The following CDYL2 variants were observed in gnomAD, a reference collection of about 807,000 sequenced individuals.
CDYL2 encodes the protein chromodomain Y like 2.
A neutral mutation model predicts 49.4 loss-of-function variants in CDYL2; 23 were observed. The observed-to-expected ratio is 0.47, with a 90% CI of 0.34 to 0.66. CDYL2 has a LOEUF of 0.66. Among genes scored for constraint, CDYL2 ranks in the 30% least tolerant of loss-of-function variants. The probability of loss-of-function intolerance (pLI) is 0.01; values close to 1 mark genes in which losing one functional copy is unlikely to be tolerated. For synonymous variants in CDYL2, 360 were observed against 268.8 expected, an observed-to-expected ratio of 1.34 and a Z score of -3.32; for missense variants, 678 against 656.4, an observed-to-expected ratio of 1.03 and a Z score of -0.36.
chr16:80,620,869 T>C lies in CDYL2; in HGVS notation c.901A>G (p.Ser301Gly). The C allele has an allele frequency of 6.2e-7, 1 of 1,612,436 alleles. No individual in the cohort carries two copies. The highest frequency in any genetic ancestry group is 8.5e-7 in the Non-Finnish European group (1 of 1,178,648). ...CTGCAGAACACGCTCCCCACTGCGCTGAGGAGCAGCAGTTTGCTGTCGTCT... is the reference window on the plus strand; with the variant it reads ...CTGCAGAACACGCTCCCCACTGCGCCGAGGAGCAGCAGTTTGCTGTCGTCT... Reference protein sequence around the residue: ...ATDDSKLLLLSAVGSVFCSGL... With the variant: ...ATDDSKLLLLGAVGSVFCSGL... The change falls in exon 4 of 7, where the codon AGC (serine) becomes GGC (glycine). Residue 301 changes from serine to glycine, a missense_variant. Physicochemically the swap from Ser to Gly is moderately conservative, Grantham distance 56. Transcript: ENST00000570137.
chr16:80,682,196 C>CA lies in CDYL2; in HGVS notation c.616+2341dup, dbSNP rs370079125. 4.4e-3 allele frequency among the ~76,000 whole-genome samples: 676 copies of CA among 152,214 alleles called. 3 individuals are homozygous for CA. Among genetic ancestry groups the CA allele is most frequent in the African/African-American group, 0.015 (633 of 41,526 alleles). ...ACCAGTGCTATGGGATGTGATTAAG[C>CA]AAAAGGGCCCTTTTGAAACAGACAA... On this transcript the variant is annotated intron_variant, in intron 2 of 6. Transcript: ENST00000570137.
chr16:80,639,258 T>C (rs1907974865), intron 2 of CDYL2, among the ~76,000 whole-genome samples: 1 of 152,214 alleles, frequency 6.6e-6, no homozygotes, highest in African/African-American at 2.4e-5. Context: ...GGTGGGCATA[T>C]AAGATGGCAC....
intron 1 of CDYL2, among the ~76,000 whole-genome samples, chr16:80,735,561 C>T (rs1597106801): frequency 1.3e-5 from 2 of 152,156 alleles, no homozygotes; most frequent in South Asian, 4.1e-4. Flanking sequence ...TATAAGGCTC[C>T]AGTGATCTGG....
rs201298919 is a variant in CDYL2, at chr16:80,612,734, G to A, written c.1110C>T (p.Ile370=). 2.7e-5 allele frequency: 44 copies of A among 1,613,700 alleles called. No homozygotes were observed. The highest frequency in any genetic ancestry group is 2.2e-4 in the Admixed American group (13 of 60,022). Residue 370 remains isoleucine (I), a synonymous_variant, in exon 5 of 7, where the codon ATC becomes ATT. Coordinates refer to ENST00000570137, the MANE Select transcript of CDYL2 (RefSeq NM_152342.4). The surrounding 1 kb of genome is among the most constrained non-coding windows in gnomAD (Gnocchi z 5.0). ...LGASILPLCD[I]VWASEKAWFQ... is the part of the protein sequence containing the mutation. ...ACCAGGCCTTCTCACTGGCCCACAC[G>A]ATGTCACAGAGGGGCAGGATGGAGG...
rs115889368 is a variant in CDYL2, at chr16:80,656,671, G to A, written c.617-23435C>T. 9.7e-3 allele frequency among the ~76,000 whole-genome samples: 1,479 copies of A among 152,218 alleles called. 26 individuals carry two copies. The highest frequency in any genetic ancestry group is 0.034 in the African/African-American group (1,403 of 41,526). The stretch of plus-strand genomic sequence containing the variant: ...CTCCATAAACTCACGTGCTGACACC[G>A]TGCCCCTGTTCCAAACATACAGAAG... On this transcript the variant is annotated intron_variant, in intron 2 of 6. Coordinates refer to ENST00000570137, the MANE Select transcript of CDYL2 (RefSeq NM_152342.4).
chr16:80,692,051 G>T lies in CDYL2; in HGVS notation c.25-6922C>A, dbSNP rs80007191. On this transcript the variant is annotated intron_variant, in intron 1 of 6. Transcript: ENST00000570137. ...GAAAGCACTAAGGAAAATGAGAATA[G>T]ATACCTAGAAGAGTTAATAGAGATC... Among the ~76,000 whole-genome samples the T allele has an allele frequency of 8.9e-3, 1,348 of 152,082 alleles. 24 individuals are homozygous for T. The highest frequency in any genetic ancestry group is 0.031 in the African/African-American group (1,265 of 41,446).
rs182805354 is a variant in CDYL2 at position 80,763,159 on chromosome 16, G to A, written c.24+40991C>T. ...CTCCAGCAGGAACCTAACTAATCCT[G>A]TATTCCCACCAGAAGCAACGATTCA... is the stretch of plus-strand genomic sequence containing the variant. On this transcript the variant is annotated intron_variant, in intron 1 of 6. Transcript: ENST00000570137. Among the ~76,000 whole-genome samples, 983 of 131,926 alleles carry A rather than the reference G, an allele frequency of 7.5e-3. 18 individuals carry two copies. The highest frequency in any genetic ancestry group is 0.025 in the African/African-American group (912 of 35,888). The allele number at this position is 131,926 out of a possible 152,430, so 86.5% of individuals were successfully genotyped here.
intron 3 of CDYL2, among the ~76,000 whole-genome samples, chr16:80,621,578 T>C (rs1335736045): frequency 1.3e-5 from 2 of 152,198 alleles, no homozygotes; most frequent in Non-Finnish European, 2.9e-5. Flanking sequence ...GTGGACCCAC[T>C]CTCAAGGCCT....
At chr16:80,735,939 C>T (rs1261779952) in intron 1 of CDYL2, among the ~76,000 whole-genome samples, 2 of 152,232 alleles carry the variant, frequency 1.3e-5, no homozygotes, top group Non-Finnish European at 2.9e-5. Flanking sequence ...ATCACAGAGA[C>T]TCGGGTCTGC....
chr16:80,716,447 T>G (rs1480620158), intron 1 of CDYL2, among the ~76,000 whole-genome samples: 1 of 151,796 alleles, frequency 6.6e-6, no homozygotes, highest in Non-Finnish European at 1.5e-5. Flanking sequence ...GATGGATGGA[T>G]GCATGGATGG....
chr16:80,633,329 G>C, intron 2 of CDYL2, 93 bp from the exon 3 acceptor site: 1 of 1,300,564 alleles, frequency 7.7e-7, no homozygotes, highest in South Asian at 1.3e-5. Flanking sequence ...CAATGGAAAG[G>C]TTTGGATGTG....
intron 1 of CDYL2, among the ~76,000 whole-genome samples, chr16:80,781,844 G>C (rs768459058): frequency 6.6e-6 from 1 of 152,004 alleles, no homozygotes; most frequent in Admixed American, 6.5e-5. Flanking sequence ...GAAATATCTT[G>C]AGACAAAAGA....
At chr16:80,648,529 G>C (rs1364091962) in intron 2 of CDYL2, among the ~76,000 whole-genome samples, 1 of 151,966 alleles carries the variant, frequency 6.6e-6, no homozygotes, top group Non-Finnish European at 1.5e-5. Flanking sequence ...GTAAAGAAAA[G>C]TCTGGGACCC....
chr16:80,611,994 A>G (rs1255214554), intron 5 of CDYL2, among the ~76,000 whole-genome samples: 1 of 152,218 alleles, frequency 6.6e-6, no homozygotes, highest in Non-Finnish European at 1.5e-5. Flanking sequence ...TCGTTTCCAC[A>G]TGGGGTGGAG....
chr16:80,601,400 C>G lies in CDYL2; in HGVS notation c.*2988G>C, dbSNP rs981074638. 2 of 152,164 alleles carry G rather than the reference C, an allele frequency of 1.3e-5. No individual in the cohort carries two copies. The highest frequency in any genetic ancestry group is 1.5e-5 in the Non-Finnish European group (1 of 68,046). 9.4% of individuals were successfully genotyped at this position (152,164 alleles called of 1,614,324 possible). A position where few individuals can be genotyped will look rare whatever the true frequency, so the allele number is the denominator to read the frequency against. On this transcript the variant is annotated 3_prime_UTR_variant, in exon 7 of 7. Transcript: ENST00000570137. ...ATTCTTTCAAACCCAAAGGTAATTGCAGGACGGGGCTGCCAAAATGAGCCG... is the reference window on the plus strand; with the variant it reads ...ATTCTTTCAAACCCAAAGGTAATTGGAGGACGGGGCTGCCAAAATGAGCCG...
At chr16:80,748,985 A>G (rs903090894) in intron 1 of CDYL2, among the ~76,000 whole-genome samples, 13 of 152,344 alleles carry the variant, frequency 8.5e-5, no homozygotes, top group African/African-American at 3.1e-4. Flanking sequence ...CATTGAGGAT[A>G]GAAAAATACA....
chr16:80,748,443 C>T (rs1231967345), intron 1 of CDYL2, among the ~76,000 whole-genome samples: 2 of 126,852 alleles, frequency 1.6e-5, no homozygotes, highest in Non-Finnish European at 3.2e-5. Context: ...AGGAGAATGG[C>T]GTGAACCTGG....
chr16:80,666,520 T>A (rs1909270739), intron 2 of CDYL2, among the ~76,000 whole-genome samples: 1 of 152,134 alleles, frequency 6.6e-6, no homozygotes, highest in Admixed American at 6.5e-5. Flanking sequence ...GAGTCTACTG[T>A]GGCTTCGTGA....
chr16:80,794,978 C>G (rs899581984), intron 1 of CDYL2, among the ~76,000 whole-genome samples: 1 of 152,108 alleles, frequency 6.6e-6, no homozygotes, highest in Non-Finnish European at 1.5e-5. Context: ...AGGTCCACAG[C>G]TGACATAAAA....
Sources: allele counts gnomAD v4.1 joint callset (sites outside exome capture counted in the v4.1 genomes callset), GRCh38; gene constraint gnomAD v4.1.1; non-coding constraint Gnocchi (gnomAD v3.1); transcripts MANE v1.5; gene names NCBI Gene and HGNC (gene_info 2026-07-23, HGNC 2026-07-21).